Variants in TAF4B observed in about 807,000 individuals in gnomAD.
The protein encoded by TAF4B is transcription initiation factor TFIID subunit 4B.
In TAF4B, 38 loss-of-function variants were observed where a neutral mutation model predicts 86.4. The ratio of observed to expected loss-of-function variants is 0.44; its 90% CI spans 0.34 to 0.58. TAF4B has a LOEUF of 0.58. Among genes scored for constraint, TAF4B ranks in the 20% least tolerant of loss-of-function variants. The probability of loss-of-function intolerance (pLI) is 0.02; values close to 1 mark genes in which losing one functional copy is unlikely to be tolerated. For missense variants in TAF4B, 988 were observed against 1,027.6 expected (o/e 0.96, Z 0.53); for synonymous variants, 388 against 391.2 (o/e 0.99, Z 0.10).
chr18:26,285,222 G>GTTTTTGTTTTTGTTTTTGTTTTTTTTGTT, intron 6 of TAF4B, among the ~76,000 whole-genome samples: 1 of 45,660 alleles, frequency 2.2e-5, no homozygotes, highest in Non-Finnish European at 4.5e-5. Flanking sequence ...TTTTTTTTTT[G>GTTTTTGTTTTTGTTTTTGTTTTTTTTGTT]TTTTTTTTTT....
At chr18:26,261,392 G>A (rs1011325891) in intron 1 of TAF4B, among the ~76,000 whole-genome samples, 1 of 151,702 alleles carries the variant, frequency 6.6e-6, no homozygotes, top group African/African-American at 2.4e-5. Flanking sequence ...AGTAGAGACG[G>A]GGTTTCACCG....
intron 12 of TAF4B, among the ~76,000 whole-genome samples, chr18:26,329,581 C>G (rs1225862205): frequency 1.3e-5 from 2 of 152,178 alleles, no homozygotes; most frequent in African/African-American, 4.8e-5. Flanking sequence ...CTCAGTCTTT[C>G]TCTTTTATGC....
At chr18:26,331,034 G>C (rs1598804989) in intron 12 of TAF4B, among the ~76,000 whole-genome samples, 1 of 152,136 alleles carries the variant, frequency 6.6e-6, no homozygotes, top group African/African-American at 2.4e-5. Flanking sequence ...ACATGCCCCA[G>C]CTCCCCGTAA....
At chr18:26,302,758 T>C (rs1568139705) in intron 9 of TAF4B, among the ~76,000 whole-genome samples, 1 of 152,134 alleles carries the variant, frequency 6.6e-6, no homozygotes, top group Non-Finnish European at 1.5e-5. Flanking sequence ...TTTCCCCATA[T>C]AGGAAACCAC....
chr18:26,332,426 C>G (rs2057057463), intron 12 of TAF4B, among the ~76,000 whole-genome samples: 1 of 152,168 alleles, frequency 6.6e-6, no homozygotes, highest in African/African-American at 2.4e-5. Context: ...ACAGTGCACC[C>G]TCTACAGAGT....
At chr18:26,268,983 C>T (rs573771468) in intron 3 of TAF4B, among the ~76,000 whole-genome samples, 23 of 152,000 alleles carry the variant, frequency 1.5e-4, no homozygotes, top group Non-Finnish European at 3.2e-4. Flanking sequence ...CCACCATGCC[C>T]AGCTGATTTT....
At chr18:26,361,057 A>G (rs62085453) in intron 14 of TAF4B, among the ~76,000 whole-genome samples, 54,144 of 151,948 alleles carry the variant, frequency 0.36, 11,754 homozygotes, top group East Asian at 0.81. Context: ...ATTTATGACT[A>G]TTTACATATT....
In TAF4B at chr18:26,280,382, A is replaced by G. The variant is rs560038951; in HGVS notation, c.883-1589A>G. ...TATCAACAGAGTAAACAGACCACCT[A>G]CAGAATGGAAGAAAATATTTGCGAA... is the stretch of plus-strand genomic sequence containing the variant. On this transcript the variant is annotated intron_variant, in intron 5 of 14. Transcript: ENST00000269142. 2.6e-5 allele frequency among the ~76,000 whole-genome samples: 4 copies of G among 152,340 alleles called. No homozygotes were observed. In the South Asian group the frequency reaches 6.2e-4, roughly 24 times the overall value.
chr18:26,305,906 T>C (rs1411306260), intron 9 of TAF4B, among the ~76,000 whole-genome samples: 1 of 152,162 alleles, frequency 6.6e-6, no homozygotes, highest in Non-Finnish European at 1.5e-5. Flanking sequence ...GGGCAGAGAA[T>C]TGGCTTAAAG....
At chr18:26,357,668 A>AT (rs2057298377) in intron 13 of TAF4B, 22 bp from the exon 14 acceptor site, 3 of 1,551,780 alleles carry the variant, frequency 1.9e-6, no homozygotes, top group South Asian at 2.3e-5. Flanking sequence ...AAACATTGAT[A>AT]TTTTTTTCTT....
intron 1 of TAF4B, among the ~76,000 whole-genome samples, chr18:26,262,308 TC>T (rs752792467): frequency 2.0e-5 from 3 of 151,954 alleles, no homozygotes; most frequent in African/African-American, 7.3e-5. Context: ...AGCCCTGTCT[TC>T]TTGGCCACAC....
intron 1 of TAF4B, among the ~76,000 whole-genome samples, chr18:26,227,507 G>T (rs4800730): frequency 2.6e-5 from 4 of 152,084 alleles, no homozygotes; most frequent in Non-Finnish European, 5.9e-5. Context: ...CAGCGTATTC[G>T]GGGGGGCTTT....
rs1289019510 is a variant in TAF4B at position 26,294,753 on chromosome 18, A to C, written c.1832+1222A>C. ...GCAGTTAAAGTGGGGGAAAGCAGAG[A>C]AAATAGAACATGTACACAATAGTTT... On this transcript the variant is annotated intron_variant, in intron 9 of 14. Coordinates refer to ENST00000269142, the MANE Select transcript of TAF4B (RefSeq NM_005640.3). Among the ~76,000 whole-genome samples the C allele has an allele frequency of 2.0e-5, 3 of 150,294 alleles. No individual in the cohort carries two copies. In the East Asian group the frequency reaches 5.8e-4, roughly 29 times the overall value.
chr18:26,250,512 A>G (rs1887385036), intron 1 of TAF4B, among the ~76,000 whole-genome samples: 1 of 151,718 alleles, frequency 6.6e-6, no homozygotes, highest in Admixed American at 6.6e-5. Flanking sequence ...AAAAAAAAAA[A>G]AAATTTTTTT....
At chr18:26,300,695 C>T (rs1300120840) in intron 9 of TAF4B, among the ~76,000 whole-genome samples, 1 of 151,936 alleles carries the variant, frequency 6.6e-6, no homozygotes. Context: ...GAGAAAAATA[C>T]GTATTATTCA....
At chr18:26,280,651 A>G (rs1416838431) in intron 5 of TAF4B, among the ~76,000 whole-genome samples, 1 of 152,224 alleles carries the variant, frequency 6.6e-6, no homozygotes. Flanking sequence ...GTCAAAAAAC[A>G]GATGCTGGTG....
At chr18:26,325,208 T>A (rs991821634) in intron 11 of TAF4B, among the ~76,000 whole-genome samples, 1 of 152,248 alleles carries the variant, frequency 6.6e-6, no homozygotes, top group Non-Finnish European at 1.5e-5. Context: ...GTCGCCTATA[T>A]GACTATGGCC....
chr18:26,226,849 C>G lies in TAF4B; in HGVS notation c.-85C>G. On this transcript the variant is annotated 5_prime_UTR_variant, in exon 1 of 15. Coordinates refer to ENST00000269142, the MANE Select transcript of TAF4B (RefSeq NM_005640.3). ...GCGATGCTGTGGAACCCGAACCGCA[C>G]CGGAGTCGGCTGCCGCGCGCCAAGC... 3.5e-6 allele frequency: 4 copies of G among 1,147,030 alleles called. No individual in the cohort carries two copies. The highest frequency in any genetic ancestry group is 3.4e-6 in the Non-Finnish European group (3 of 883,476). 71.1% of individuals were successfully genotyped at this position (1,147,030 alleles called of 1,614,324 possible).
At chr18:26,238,847 T>G (rs1467883213) in intron 1 of TAF4B, among the ~76,000 whole-genome samples, 1 of 152,212 alleles carries the variant, frequency 6.6e-6, no homozygotes, top group African/African-American at 2.4e-5. Context: ...GTGTTTGGTT[T>G]TCAGTCCTTG....
Sources: allele counts gnomAD v4.1 joint callset (sites outside exome capture counted in the v4.1 genomes callset), GRCh38; gene constraint gnomAD v4.1.1; transcripts MANE v1.5; gene names NCBI Gene and HGNC (gene_info 2026-07-23, HGNC 2026-07-21).